Variants in TENM3 observed in about 807,000 individuals in gnomAD.
The protein encoded by TENM3 is teneurin-3.
TENM3 carries 63 observed loss-of-function variants against 255.1 expected under a neutral mutation model. That is an observed-to-expected ratio of 0.25 (90% confidence interval 0.20 to 0.30). The LOEUF (loss-of-function observed/expected upper bound fraction) is 0.30, where lower values mean the gene tolerates loss of function less well. Among genes scored for constraint, TENM3 ranks in the 10% least tolerant of loss-of-function variants. The probability of loss-of-function intolerance (pLI) is 1.00; values close to 1 mark genes in which losing one functional copy is unlikely to be tolerated. For synonymous variants in TENM3, 1,306 were observed against 1,322.3 expected (o/e 0.99, Z 0.27); for missense variants, 2,929 against 3,461.1 (o/e 0.85, Z 3.86).
At chr4:181,456,610 T>C in the TENM3 span, among the ~76,000 whole-genome samples, 8 of 151,868 alleles carry the variant, frequency 5.3e-5, no homozygotes, top group African/African-American at 1.5e-4. Flanking sequence ...TGGTTGATAG[T>C]GGAGATGGGC....
intron 3 of TENM3, among the ~76,000 whole-genome samples, chr4:182,567,842 C>CAA (rs199801857): frequency 0.019 from 2,370 of 127,136 alleles, 41 homozygotes; most frequent in African/African-American, 0.051. Context: ...GAATGTAATC[C>CAA]AAAAAAAAAA....
At chr4:182,649,696 T>C (rs541495436) in intron 5 of TENM3, among the ~76,000 whole-genome samples, 2 of 150,618 alleles carry the variant, frequency 1.3e-5, no homozygotes, top group African/African-American at 4.8e-5. Flanking sequence ...TGTAAAACTT[T>C]AGTTTTAGAC....
chr4:182,183,106 A>G lies in TENM3; in HGVS notation c.-76+38352A>G, dbSNP rs1324200497. Among the ~76,000 whole-genome samples, 5 of 152,336 alleles carry G rather than the reference A, an allele frequency of 3.3e-5. No individual in the cohort carries two copies. In the East Asian group the frequency reaches 5.8e-4, roughly 18 times the overall value. On this transcript the variant is annotated intron_variant, in intron 1 of 2. Transcript: ENST00000512480. ...GAGAATATTAGATGAAATTGGAGGA[A>G]CAGTTAATTTATATTAGCAACTGAA...
chr4:181,859,242 C>CAAAAAAAAA, the TENM3 span, among the ~76,000 whole-genome samples: 6 of 84,138 alleles, frequency 7.1e-5, no homozygotes, highest in Non-Finnish European at 8.4e-5. Flanking sequence ...GACTCGGTCT[C>CAAAAAAAAA]AAAAAAAAAA....
At chr4:181,977,701 G>A in the TENM3 span, among the ~76,000 whole-genome samples, 1 of 152,118 alleles carries the variant, frequency 6.6e-6, no homozygotes, top group Admixed American at 6.6e-5. Context: ...ACAAAATCAG[G>A]GCACCTGGGG....
At chr4:181,651,262 C>A in the TENM3 span, among the ~76,000 whole-genome samples, 1 of 152,182 alleles carries the variant, frequency 6.6e-6, no homozygotes, top group Non-Finnish European at 1.5e-5. Flanking sequence ...ATAGGCATGT[C>A]ATTTTAAACT....
At chr4:182,501,039 T>A (rs1389984907) in intron 3 of TENM3, among the ~76,000 whole-genome samples, 1 of 152,134 alleles carries the variant, frequency 6.6e-6, no homozygotes, top group Non-Finnish European at 1.5e-5. Context: ...CTAACTTTTC[T>A]AGAATGGTGA....
the TENM3 span, among the ~76,000 whole-genome samples, chr4:181,841,476 C>G: frequency 2.0e-5 from 3 of 152,170 alleles, no homozygotes; most frequent in East Asian, 5.8e-4. Flanking sequence ...AAATAATGCT[C>G]TTTGTTCCCA....
chr4:181,855,216 C>A, the TENM3 span, among the ~76,000 whole-genome samples: 5 of 152,108 alleles, frequency 3.3e-5, no homozygotes, highest in Non-Finnish European at 7.4e-5. Context: ...ACACTGTAAG[C>A]TTTCTTTGTG....
chr4:182,020,041 A>C, the TENM3 span, among the ~76,000 whole-genome samples: 2 of 151,946 alleles, frequency 1.3e-5, no homozygotes, highest in Admixed American at 6.6e-5. Context: ...CTGCTTTGGG[A>C]ATAGCTTTAA....
In TENM3 at chr4:182,679,606, AAAAAG is replaced by A. The variant is rs1402076563; in HGVS notation, c.1327-58_1327-54del. ...AGGAAGACAGATTGAAGAGAAAAAA[AAAAAG>A]AGAGAAGCAGCCACCCTTTATCTTT... On this transcript the variant is annotated intron_variant, in intron 7 of 27. Coordinates refer to ENST00000511685, the MANE Select transcript of TENM3 (RefSeq NM_001080477.4). 6.6e-6 allele frequency: 9 copies of A among 1,371,228 alleles called. No individual in the cohort carries two copies. In the East Asian group the frequency reaches 1.6e-4, roughly 25 times the overall value. 84.9% of individuals were successfully genotyped at this position (1,371,228 alleles called of 1,614,324 possible).
the TENM3 span, among the ~76,000 whole-genome samples, chr4:181,487,007 A>C: frequency 6.6e-6 from 1 of 152,220 alleles, no homozygotes; most frequent in African/African-American, 2.4e-5. Context: ...AAAATACATA[A>C]ATAAGATTCA....
the TENM3 span, among the ~76,000 whole-genome samples, chr4:182,062,128 T>C: frequency 6.6e-6 from 1 of 152,176 alleles, no homozygotes; most frequent in Admixed American, 6.5e-5. Context: ...GAGTCTAGCA[T>C]AGATTAAGAG....
upstream of TENM3, chr4:182,144,211 CA>C (rs1312937920): frequency 0.02 from 264 of 13,402 alleles, 1 homozygote; most frequent in East Asian, 9.4e-3. Context: ...CGCACACACA[CA>C]CACACACACA....
intron 3 of TENM3, among the ~76,000 whole-genome samples, chr4:182,383,637 C>G (rs529286321): frequency 7.6e-4 from 115 of 152,110 alleles, no homozygotes; most frequent in Non-Finnish European, 1.4e-3. Flanking sequence ...TCCCTCCCCC[C>G]ATTTTGGAAT....
chr4:181,917,391 G>C, the TENM3 span, among the ~76,000 whole-genome samples: 1 of 151,794 alleles, frequency 6.6e-6, no homozygotes, highest in Non-Finnish European at 1.5e-5. Flanking sequence ...TCTTTTTTTT[G>C]TTTGTTTTAC....
At chr4:181,544,734 T>A in the TENM3 span, among the ~76,000 whole-genome samples, 6 of 152,366 alleles carry the variant, frequency 3.9e-5, no homozygotes, top group African/African-American at 1.4e-4. Context: ...TTCAGACAGA[T>A]AATTGAGAAT....
At chr4:182,168,013 T>C (rs1751836569) in intron 1 of TENM3, among the ~76,000 whole-genome samples, 1 of 152,238 alleles carries the variant, frequency 6.6e-6, no homozygotes. Context: ...CTTGAATTTC[T>C]GTTCATCCCG....
chr4:181,467,570 A>G, the TENM3 span, among the ~76,000 whole-genome samples: 1 of 152,280 alleles, frequency 6.6e-6, no homozygotes, highest in South Asian at 2.1e-4. Context: ...AAATAATTAA[A>G]TAGAGTAAAA....
Sources: allele counts gnomAD v4.1 joint callset (sites outside exome capture counted in the v4.1 genomes callset), GRCh38; gene constraint gnomAD v4.1.1; transcripts MANE v1.5; gene names NCBI Gene and HGNC (gene_info 2026-07-23, HGNC 2026-07-21).